The following DACH2 variants were observed in gnomAD, a reference collection of about 807,000 sequenced individuals.
DACH2 encodes dachshund family transcription factor 2.
Under a neutral mutation model 35.8 loss-of-function variants are expected in DACH2, and 17 were observed. The ratio of observed to expected loss-of-function variants is 0.48; its 90% confidence interval spans 0.33 to 0.71. The LOEUF (loss-of-function observed/expected upper bound fraction) is 0.71. Among genes scored for constraint, DACH2 ranks in the 30% least tolerant of loss-of-function variants. The probability of loss-of-function intolerance (pLI) is 0.02; values close to 1 mark genes in which losing one functional copy is unlikely to be tolerated. For missense variants in DACH2, 469 were observed against 472.7 expected, an observed-to-expected ratio of 0.99 and a Z score of 0.07; for synonymous variants, 195 against 177.3, an observed-to-expected ratio of 1.10 and a Z score of -0.79.
intron 3 of DACH2, among the ~76,000 whole-genome samples, chrX:86,636,533 T>C (rs962961246): frequency 2.7e-5 from 3 of 110,527 alleles, no homozygotes; most frequent in Non-Finnish European, 5.7e-5. Context: ...TGAAACTGAA[T>C]AGAGAGCCCA....
At position 86,691,514 on chromosome X, in the gene DACH2, T is replaced by C. The variant is rs181785425; in HGVS notation, c.773-3507T>C. On this transcript the variant is annotated intron_variant, in intron 4 of 11. Coordinates refer to ENST00000373125, the MANE Select transcript of DACH2 (RefSeq NM_053281.3). ...CCACAAAAATTAAAAATAATAACAA[T>C]TTAAATGGATAAATAAATCCGGCCT... Among the ~76,000 whole-genome samples, 183 of 111,321 alleles carry C rather than the reference T, an allele frequency of 1.6e-3. 1 individual carries two copies. The highest frequency in any genetic ancestry group is 5.8e-3 in the African/African-American group (177 of 30,696).
At chrX:86,696,109 C>T (rs976642452) in intron 5 of DACH2, among the ~76,000 whole-genome samples, 3 of 111,554 alleles carry the variant, frequency 2.7e-5, no homozygotes, top group African/African-American at 9.8e-5. Context: ...CAAAGCAGAT[C>T]TTGTGTATAT....
chrX:86,793,172 A>C (rs1385675823), intron 7 of DACH2, among the ~76,000 whole-genome samples: 2 of 110,545 alleles, frequency 1.8e-5, no homozygotes, highest in East Asian at 5.7e-4. Context: ...CTTTTGAGAC[A>C]TGTCTATTCA....
chrX:86,468,756 G>A (rs1283356473), intron 2 of DACH2, among the ~76,000 whole-genome samples: 1 of 111,496 alleles, frequency 9.0e-6, no homozygotes. Context: ...GCCTATTGTG[G>A]GGATGTAAAT....
chrX:86,457,846 G>A (rs1195597093), intron 2 of DACH2, among the ~76,000 whole-genome samples: 2 of 111,838 alleles, frequency 1.8e-5, no homozygotes. Flanking sequence ...CCAGTACAAA[G>A]GTTCTGAAGC....
At chrX:86,576,207 A>G (rs1049661619) in intron 3 of DACH2, among the ~76,000 whole-genome samples, 9 of 111,896 alleles carry the variant, frequency 8.0e-5, no homozygotes, top group Middle Eastern at 4.6e-3. Context: ...GTCAATGCTG[A>G]ATACAAATAC....
At chrX:86,468,559 T>C (rs1290971722) in intron 2 of DACH2, among the ~76,000 whole-genome samples, 3 of 111,728 alleles carry the variant, frequency 2.7e-5, no homozygotes, top group Non-Finnish European at 5.6e-5. Flanking sequence ...TTCCAATTTC[T>C]CCTTGAGTTT....
At chrX:86,167,395 T>C (rs2030977647) in intron 1 of DACH2, among the ~76,000 whole-genome samples, 1 of 111,424 alleles carries the variant, frequency 9.0e-6, no homozygotes, top group African/African-American at 3.2e-5. Flanking sequence ...CAGTATCCAT[T>C]GTAATGTCTC....
chrX:86,815,378 T>A (rs780115832), intron 10 of DACH2, among the ~76,000 whole-genome samples: 6 of 110,510 alleles, frequency 5.4e-5, no homozygotes, highest in African/African-American at 2.0e-4. Context: ...TGAGGCCTCA[T>A]AACATTGTTT....
At chrX:86,324,563 A>C (rs2035074563) in intron 1 of DACH2, among the ~76,000 whole-genome samples, 1 of 96,164 alleles carries the variant, frequency 1.0e-5, no homozygotes, top group Non-Finnish European at 2.0e-5. Flanking sequence ...TGGCAAACTC[A>C]CTGTTGTCTT....
chrX:86,623,326 G>A (rs2040090564), intron 3 of DACH2, among the ~76,000 whole-genome samples: 1 of 112,385 alleles, frequency 8.9e-6, no homozygotes, highest in African/African-American at 3.2e-5. Context: ...GGTGTTGATG[G>A]CATTTAATTT....
intron 1 of DACH2, among the ~76,000 whole-genome samples, chrX:86,219,696 T>A: frequency 1.8e-5 from 2 of 111,492 alleles, no homozygotes; most frequent in Middle Eastern, 9.3e-3. Flanking sequence ...GTGCAAAAGC[T>A]TTTTAGTTTG....
At chrX:86,745,847 C>T (rs1464872464) in intron 7 of DACH2, among the ~76,000 whole-genome samples, 1 of 111,492 alleles carries the variant, frequency 9.0e-6, no homozygotes. Context: ...GTTTACATTT[C>T]CACCACCAGT....
intron 2 of DACH2, among the ~76,000 whole-genome samples, chrX:86,387,210 G>A (rs1430074531): frequency 9.0e-6 from 1 of 111,330 alleles, no homozygotes; most frequent in Non-Finnish European, 1.9e-5. Flanking sequence ...TTTTCTCAGA[G>A]AGGGTTTGGG....
At chrX:86,207,241 T>C (rs1056091957) in intron 1 of DACH2, among the ~76,000 whole-genome samples, 1 of 111,654 alleles carries the variant, frequency 9.0e-6, no homozygotes, top group Non-Finnish European at 1.9e-5. Context: ...CCGTCTCTGT[T>C]GCCAAGAAGG....
intron 4 of DACH2, among the ~76,000 whole-genome samples, chrX:86,684,378 C>A (rs2040917528): frequency 9.0e-6 from 1 of 111,317 alleles, no homozygotes; most frequent in African/African-American, 3.3e-5. Context: ...CAGTCTTGCC[C>A]TCTGCTTTTT....
At chrX:86,171,209 A>G (rs967436058) in intron 1 of DACH2, among the ~76,000 whole-genome samples, 11 of 101,543 alleles carry the variant, frequency 1.1e-4, no homozygotes, top group Non-Finnish European at 2.1e-4. Context: ...AATGCAAGAC[A>G]AAGTCCTTTC....
intron 3 of DACH2, among the ~76,000 whole-genome samples, chrX:86,521,609 G>T (rs2148278093): frequency 8.9e-6 from 1 of 111,805 alleles, no homozygotes; most frequent in Non-Finnish European, 1.9e-5. Context: ...TTAGTCCTTT[G>T]CTTGTGCCTA....
chrX:86,463,172 C>G (rs921218372), intron 2 of DACH2, among the ~76,000 whole-genome samples: 6 of 109,983 alleles, frequency 5.5e-5, no homozygotes, highest in African/African-American at 2.0e-4. Flanking sequence ...ATTTTTCAAC[C>G]TATTATGTAT....
Sources: gnomAD v4.1 joint callset for allele counts (sites outside exome capture counted in the v4.1 genomes callset) on GRCh38, gnomAD v4.1.1 for gene constraint, MANE v1.5 for transcripts, NCBI Gene and HGNC (gene_info 2026-07-23, HGNC 2026-07-21) for gene names.